Variants in TBC1D12 observed in about 807,000 individuals in gnomAD.
The protein encoded by TBC1D12 is TBC1 domain family, member 12.
In TBC1D12, 56 loss-of-function variants were observed where a neutral mutation model predicts 86.7. The ratio of observed to expected loss-of-function variants is 0.65; its 90% CI spans 0.52 to 0.81. The LOEUF (loss-of-function observed/expected upper bound fraction) is 0.81. Among genes scored for constraint, TBC1D12 ranks in the 30% least tolerant of loss-of-function variants. The pLI is 0.00. For missense variants in TBC1D12, 1,023 were observed against 1,038.8 expected, an observed-to-expected ratio of 0.98 and a Z score of 0.21; for synonymous variants, 421 against 411.7, an observed-to-expected ratio of 1.02 and a Z score of -0.27.
chr10:94,407,942 G>A (rs2054879383), intron 1 of TBC1D12, among the ~76,000 whole-genome samples: 1 of 152,144 alleles, frequency 6.6e-6, no homozygotes, highest in Non-Finnish European at 1.5e-5. Context: ...CTCTAGCCTG[G>A]GTGACAGAGT....
At chr10:94,406,066 C>T (rs2054850403) in intron 1 of TBC1D12, among the ~76,000 whole-genome samples, 1 of 152,182 alleles carries the variant, frequency 6.6e-6, no homozygotes, top group South Asian at 2.1e-4. Flanking sequence ...CCGCCTCAGC[C>T]TCTCAAAGTG....
intron 3 of TBC1D12, among the ~76,000 whole-genome samples, chr10:94,485,396 A>C (rs141372460): frequency 5.3e-5 from 8 of 152,250 alleles, no homozygotes; most frequent in Non-Finnish European, 1.2e-4. Flanking sequence ...ATTGATTTGC[A>C]TACATTGAAA....
chr10:94,432,792 T>C (rs2055236147), intron 1 of TBC1D12, among the ~76,000 whole-genome samples: 1 of 151,640 alleles, frequency 6.6e-6, no homozygotes. Context: ...TTTTTTTTTT[T>C]CCTTTTCATC....
intron 2 of TBC1D12, among the ~76,000 whole-genome samples, chr10:94,450,045 C>T (rs2055526298): frequency 6.6e-6 from 1 of 152,140 alleles, no homozygotes. Flanking sequence ...TATAGCAGAA[C>T]TTGAAGGACA....
intron 1 of TBC1D12, among the ~76,000 whole-genome samples, chr10:94,434,338 T>C (rs1344293916): frequency 6.6e-6 from 1 of 151,646 alleles, no homozygotes; most frequent in African/African-American, 2.4e-5. Flanking sequence ...AAACCCTGTC[T>C]CTACTAAAAA....
intron 4 of TBC1D12, among the ~76,000 whole-genome samples, chr10:94,494,419 A>T (rs1261385783): frequency 6.6e-6 from 1 of 152,256 alleles, no homozygotes; most frequent in East Asian, 1.9e-4. Context: ...AATGTTAAGT[A>T]AACATAGGAT....
At chr10:94,465,822 A>G (rs2055808375) in intron 2 of TBC1D12, among the ~76,000 whole-genome samples, 1 of 151,472 alleles carries the variant, frequency 6.6e-6, no homozygotes, top group African/African-American at 2.4e-5. Flanking sequence ...ATACATACAC[A>G]TATACGTATA....
intron 1 of TBC1D12, among the ~76,000 whole-genome samples, chr10:94,413,922 C>T (rs1469073804): frequency 2.0e-5 from 3 of 152,094 alleles, no homozygotes; most frequent in South Asian, 4.1e-4. Context: ...TACAACTACC[C>T]ATCATACGTT....
chr10:94,410,113 C>T (rs562607090), intron 1 of TBC1D12, among the ~76,000 whole-genome samples: 1 of 152,226 alleles, frequency 6.6e-6, no homozygotes, highest in South Asian at 2.1e-4. Flanking sequence ...CTTATTCATG[C>T]CTTAATACTC....
intron 9 of TBC1D12, among the ~76,000 whole-genome samples, chr10:94,512,525 A>C (rs1461144589): frequency 6.6e-6 from 1 of 152,216 alleles, no homozygotes; most frequent in Non-Finnish European, 1.5e-5. Flanking sequence ...TCTTATGACT[A>C]TATGTCAGGC....
chr10:94,404,290 C>T (rs1171947406), intron 1 of TBC1D12, among the ~76,000 whole-genome samples: 3 of 151,952 alleles, frequency 2.0e-5, no homozygotes, highest in Non-Finnish European at 4.4e-5. Flanking sequence ...CTTTTTTTCC[C>T]CAATAACTTT....
intron 2 of TBC1D12, among the ~76,000 whole-genome samples, chr10:94,465,872 A>G (rs542847206): frequency 1.4e-4 from 21 of 151,270 alleles, no homozygotes; most frequent in Non-Finnish European, 2.5e-4. Context: ...ACATATATAC[A>G]CATACATGTA....
intron 2 of TBC1D12, among the ~76,000 whole-genome samples, chr10:94,455,483 G>A (rs11492628): frequency 0.14 from 21,402 of 152,146 alleles, 2,039 homozygotes; most frequent in Admixed American, 0.29. Flanking sequence ...TTCCTTAAAT[G>A]TTTGGTAGAA....
chr10:94,416,670 A>C (rs2055002485), intron 1 of TBC1D12, among the ~76,000 whole-genome samples: 1 of 152,216 alleles, frequency 6.6e-6, no homozygotes, highest in African/African-American at 2.4e-5. Context: ...AGGGAGTCCT[A>C]TAATATCAAT....
intron 1 of TBC1D12, among the ~76,000 whole-genome samples, chr10:94,440,787 T>C (rs2055369694): frequency 6.6e-6 from 1 of 152,202 alleles, no homozygotes. Flanking sequence ...TGGGTACATA[T>C]GTTGAGTATC....
chr10:94,443,719 CTG>C (rs909104487), intron 2 of TBC1D12, among the ~76,000 whole-genome samples: 1 of 152,158 alleles, frequency 6.6e-6, no homozygotes, highest in Non-Finnish European at 1.5e-5. Context: ...CTTTGTGAAT[CTG>C]TTTTTTCTGA....
At chr10:94,431,563 C>G (rs748681444) in intron 1 of TBC1D12, among the ~76,000 whole-genome samples, 1 of 152,100 alleles carries the variant, frequency 6.6e-6, no homozygotes, top group Non-Finnish European at 1.5e-5. Context: ...GCAACCCATT[C>G]AAGTTTGGGC....
At chr10:94,498,044 C>T (rs542817717) in intron 5 of TBC1D12, among the ~76,000 whole-genome samples, 43 of 152,180 alleles carry the variant, frequency 2.8e-4, no homozygotes, top group African/African-American at 1.0e-3. Flanking sequence ...TGGTCTCGAT[C>T]TCCTGACCTT....
chr10:94,445,840 C>G (rs992854008), intron 2 of TBC1D12, among the ~76,000 whole-genome samples: 8 of 151,238 alleles, frequency 5.3e-5, no homozygotes, highest in African/African-American at 1.5e-4. Flanking sequence ...TCCAGCTGCT[C>G]GGAAGGCTGA....
Sources: allele counts gnomAD v4.1 joint callset (sites outside exome capture counted in the v4.1 genomes callset), GRCh38; gene constraint gnomAD v4.1.1; transcripts MANE v1.5; gene names NCBI Gene and HGNC (gene_info 2026-07-23, HGNC 2026-07-21).